Variants in NAV3 observed in about 807,000 individuals in gnomAD.
NAV3 encodes pore membrane and/or filament interacting like protein 1.
Under a neutral mutation model 244.7 loss-of-function variants are expected in NAV3, and 87 were observed. That is an observed-to-expected ratio of 0.36 (90% CI 0.30 to 0.42). The LOEUF is 0.42. NAV3 is among the 20% of genes least tolerant of loss of function. The pLI, the probability that NAV3 is intolerant of heterozygous loss-of-function variation, is 1.00. For synonymous variants in NAV3, 1,126 were observed against 1,042.2 expected (o/e 1.08, Z -1.55); for missense variants, 2,663 against 2,893.3 (o/e 0.92, Z 1.83).
intron 2 of NAV3, among the ~76,000 whole-genome samples, chr12:77,714,880 T>A (rs1876290837): frequency 6.6e-6 from 1 of 152,056 alleles, no homozygotes; most frequent in Non-Finnish European, 1.5e-5. Context: ...GCATAAAGAG[T>A]TAAACATTTA....
intron 5 of NAV3, among the ~76,000 whole-genome samples, chr12:77,977,899 G>A (rs952642530): frequency 3.9e-5 from 6 of 152,092 alleles, no homozygotes; most frequent in Non-Finnish European, 8.8e-5. Flanking sequence ...AGTTTGGGGA[G>A]ATCAGTCCAA....
intron 2 of NAV3, among the ~76,000 whole-genome samples, chr12:77,615,945 C>T (rs2136843020): frequency 6.6e-6 from 1 of 152,276 alleles, no homozygotes; most frequent in African/African-American, 2.4e-5. Flanking sequence ...GGACATTATC[C>T]TCATAAACTT....
chr12:77,840,656 A>C (rs1295818071), intron 1 of NAV3, among the ~76,000 whole-genome samples: 1 of 152,230 alleles, frequency 6.6e-6, no homozygotes, highest in Non-Finnish European at 1.5e-5. Context: ...AGCAAGTAGT[A>C]GTTAAAATTA....
chr12:77,827,855 A>G (rs985176041), upstream of NAV3, among the ~76,000 whole-genome samples: 3 of 152,234 alleles, frequency 2.0e-5, no homozygotes, highest in Admixed American at 2.0e-4. Flanking sequence ...TTCCAAATTC[A>G]TATAACTAGG....
intron 22 of NAV3, among the ~76,000 whole-genome samples, chr12:78,158,099 G>A (rs1049249910): frequency 6.6e-6 from 1 of 152,020 alleles, no homozygotes; most frequent in African/African-American, 2.4e-5. Context: ...TTGATAGTAG[G>A]TGCCTCAGCA....
At chr12:77,572,455 C>G in intron 2 of NAV3, among the ~76,000 whole-genome samples, 1 of 152,102 alleles carries the variant, frequency 6.6e-6, no homozygotes, top group East Asian at 1.9e-4. Flanking sequence ...CTAAAATCCT[C>G]TGAATTTATC....
chr12:78,115,114 A>C (rs892178752), intron 12 of NAV3, among the ~76,000 whole-genome samples: 8 of 152,212 alleles, frequency 5.3e-5, no homozygotes, highest in Non-Finnish European at 1.2e-4. Flanking sequence ...GAGCAGATAA[A>C]GTATCAGTTC....
At chr12:77,757,169 A>G (rs1453283022) in intron 2 of NAV3, among the ~76,000 whole-genome samples, 1 of 152,208 alleles carries the variant, frequency 6.6e-6, no homozygotes, top group Non-Finnish European at 1.5e-5. Context: ...ATAATGGCAG[A>G]TGGAAAGAGA....
At chr12:78,178,587 A>G (rs985229596) in intron 28 of NAV3, among the ~76,000 whole-genome samples, 1 of 152,110 alleles carries the variant, frequency 6.6e-6, no homozygotes, top group African/African-American at 2.4e-5. Flanking sequence ...CGAATATAGA[A>G]AAGTGTTCTG....
At chr12:77,814,752 C>G (rs1872461601) in intron 2 of NAV3, among the ~76,000 whole-genome samples, 2 of 152,140 alleles carry the variant, frequency 1.3e-5, no homozygotes, top group African/African-American at 4.8e-5. Context: ...GATGTGCCAA[C>G]TTTAAACCAA....
At chr12:78,025,454 G>A (rs1269317735) in intron 9 of NAV3, among the ~76,000 whole-genome samples, 1 of 151,872 alleles carries the variant, frequency 6.6e-6, no homozygotes, top group Non-Finnish European at 1.5e-5. Context: ...ACATTAGCCG[G>A]CTGCGGTGGC....
At chr12:77,908,008 T>C (rs909772817) in intron 1 of NAV3, among the ~76,000 whole-genome samples, 3 of 152,100 alleles carry the variant, frequency 2.0e-5, no homozygotes, top group African/African-American at 7.2e-5. Flanking sequence ...CAGAATTTCC[T>C]TCCATAATAT....
chr12:78,207,655 G>A lies in NAV3; in HGVS notation c.7038+2517G>A, dbSNP rs993110497. ...TAAAGAAATAGAATGTGAAACATTA[G>A]AGGACAGTGTAATAGAAATGATGAG... On this transcript the variant is annotated intron_variant, in intron 39 of 39. Coordinates refer to ENST00000397909, the MANE Select transcript of NAV3 (RefSeq NM_001024383.2). Among the ~76,000 whole-genome samples, 3 of 152,214 alleles carry A rather than the reference G, an allele frequency of 2.0e-5. No homozygotes were observed. The East Asian group carries it at 5.8e-4, about 29-fold the overall frequency.
chr12:77,644,640 A>ACTGTGTCT (rs1200455904), intron 2 of NAV3, among the ~76,000 whole-genome samples: 4 of 152,116 alleles, frequency 2.6e-5, no homozygotes, highest in Non-Finnish European at 5.9e-5. Context: ...AACAAGCATT[A>ACTGTGTCT]CTGTGTCTTG....
At chr12:77,591,500 C>A (rs908868018) in intron 2 of NAV3, among the ~76,000 whole-genome samples, 4 of 152,126 alleles carry the variant, frequency 2.6e-5, no homozygotes, top group African/African-American at 7.2e-5. Flanking sequence ...TATCTCTACA[C>A]AGAAGGAAGA....
intron 2 of NAV3, among the ~76,000 whole-genome samples, chr12:77,817,857 T>C (rs1416314735): frequency 4.6e-5 from 7 of 152,136 alleles, no homozygotes; most frequent in Non-Finnish European, 1.0e-4. Context: ...TGGATAAATG[T>C]GTTCCTAAGC....
intron 12 of NAV3, among the ~76,000 whole-genome samples, chr12:78,096,492 G>A (rs1417548164): frequency 6.6e-6 from 1 of 152,124 alleles, no homozygotes; most frequent in Non-Finnish European, 1.5e-5. Flanking sequence ...ATGAAGGAAA[G>A]AGGTTTAATT....
chr12:78,154,324 G>GTATATATATAC lies in NAV3; in HGVS notation c.4786-4872_4786-4871insATACTATATAT, dbSNP rs1565731517. On this transcript the variant is annotated intron_variant, in intron 22 of 39. Transcript: ENST00000397909. Reference sequence around the variant, plus strand: ...CTATATAATATATAGTATATATATAGTATATATTATATAGTAATATATTAC... The same window carrying GTATATATATAC: ...CTATATAATATATAGTATATATATAGTATATATATACTATATATTATATAGTAATATATTAC... Among the ~76,000 whole-genome samples the GTATATATATAC allele has an allele frequency of 6.8e-5, 9 of 131,908 alleles. No homozygotes were observed. In the Admixed American group the frequency reaches 6.9e-4, roughly 10 times the overall value. The allele number at this position is 131,908 out of a possible 152,430, so 86.5% of individuals were successfully genotyped here. A position where few individuals can be genotyped will look rare whatever the true frequency, so the allele number is the denominator to read the frequency against.
chr12:78,197,203 A>G (rs300497), intron 34 of NAV3, 44 bp from the exon 35 acceptor site: 585,476 of 1,425,570 alleles, frequency 0.41, 126,067 homozygotes, highest in Non-Finnish European at 0.45. Flanking sequence ...TCCTATTAGT[A>G]TAAATTTATC....
Sources: allele counts gnomAD v4.1 joint callset (sites outside exome capture counted in the v4.1 genomes callset), GRCh38; gene constraint gnomAD v4.1.1; transcripts MANE v1.5; gene names NCBI Gene and HGNC (gene_info 2026-07-23, HGNC 2026-07-21).